CDH13: variants seen among roughly 807,000 people sequenced by gnomAD.
CDH13 encodes cadherin 13.
A neutral mutation model predicts 63.8 loss-of-function variants in CDH13; 24 were observed. The observed-to-expected ratio is 0.38, with a 90% CI of 0.27 to 0.53. The LOEUF (loss-of-function observed/expected upper bound fraction) is 0.53. Among genes scored for constraint, CDH13 ranks in the 20% least tolerant of loss-of-function variants. The pLI is 0.85. For synonymous variants in CDH13, 503 were observed against 355.3 expected (o/e 1.42, Z -4.67); for missense variants, 1,049 against 903.1 (o/e 1.16, Z -2.07).
chr16:82,862,626 G>C (rs1751831669), intron 2 of CDH13, among the ~76,000 whole-genome samples: 1 of 152,102 alleles, frequency 6.6e-6, no homozygotes, highest in Non-Finnish European at 1.5e-5. Flanking sequence ...TGCAAACATA[G>C]ACACATAGGT....
intron 1 of CDH13, among the ~76,000 whole-genome samples, chr16:82,830,751 T>G (rs551221617): frequency 2.0e-5 from 3 of 152,342 alleles, no homozygotes; most frequent in Non-Finnish European, 4.4e-5. Flanking sequence ...CCTTGTTTTA[T>G]GCATAAAAGA....
chr16:83,631,387 G>A (rs1910768450), intron 8 of CDH13, among the ~76,000 whole-genome samples: 1 of 152,080 alleles, frequency 6.6e-6, no homozygotes, highest in African/African-American at 2.4e-5. Context: ...TGGCCCTGTT[G>A]CTTGGAGAAG....
At chr16:82,726,885 C>A (rs1445004388) in intron 1 of CDH13, among the ~76,000 whole-genome samples, 7 of 152,140 alleles carry the variant, frequency 4.6e-5, no homozygotes, top group Non-Finnish European at 8.8e-5. Context: ...AACACTGAGG[C>A]ACAGAGCTGT....
intron 11 of CDH13, among the ~76,000 whole-genome samples, chr16:83,760,286 T>G (rs1913857825): frequency 6.6e-6 from 1 of 152,204 alleles, no homozygotes; most frequent in African/African-American, 2.4e-5. Flanking sequence ...ACAGCCACGT[T>G]GGAAACATAG....
At chr16:82,759,232 C>G (rs1158929806) in intron 1 of CDH13, among the ~76,000 whole-genome samples, 1 of 152,128 alleles carries the variant, frequency 6.6e-6, no homozygotes, top group East Asian at 1.9e-4. Context: ...TTAATATAAA[C>G]TTTATTTGTG....
chr16:83,415,376 G>A (rs902942727), intron 6 of CDH13, among the ~76,000 whole-genome samples: 7 of 152,218 alleles, frequency 4.6e-5, no homozygotes, highest in South Asian at 2.1e-4. Context: ...AAACTCTTCC[G>A]AACAGCTGGA....
At chr16:83,185,700 G>T (rs2038496003) in intron 4 of CDH13, among the ~76,000 whole-genome samples, 1 of 152,156 alleles carries the variant, frequency 6.6e-6, no homozygotes, top group Admixed American at 6.5e-5. Flanking sequence ...TGTTCTGCAG[G>T]TTATCATAAC....
At position 82,629,503 on chromosome 16, in the gene CDH13, C is replaced by T. The variant is rs141876711; in HGVS notation, c.45+2366C>T. Reference sequence around the variant, plus strand: ...GGGGAAAGTCTTCGAGGCCTTGAGTCGACGAGCAAAAACACAACTTTCCTG... The same window carrying T: ...GGGGAAAGTCTTCGAGGCCTTGAGTTGACGAGCAAAAACACAACTTTCCTG... On this transcript the variant is annotated intron_variant, in intron 1 of 13. Coordinates refer to ENST00000567109, the MANE Select transcript of CDH13 (RefSeq NM_001257.5). Among the ~76,000 whole-genome samples, 158 of 152,190 alleles carry T rather than the reference C, an allele frequency of 1.0e-3. 1 individual carries two copies. The Middle Eastern group carries it at 0.017, about 16-fold the overall frequency.
At chr16:83,758,593 T>C (rs1913705933) in intron 11 of CDH13, among the ~76,000 whole-genome samples, 1 of 152,136 alleles carries the variant, frequency 6.6e-6, no homozygotes, top group African/African-American at 2.4e-5. Flanking sequence ...GGCTTAGGAA[T>C]TAAAAGTAAG....
chr16:83,121,154 A>G (rs951496423), intron 3 of CDH13, among the ~76,000 whole-genome samples: 2 of 152,162 alleles, frequency 1.3e-5, no homozygotes, highest in Admixed American at 1.3e-4. Flanking sequence ...CTTCTGTCTT[A>G]TACAGAATCT....
In CDH13 at chr16:83,178,354, G is replaced by A. The variant is rs142490053; in HGVS notation, c.484-38991G>A. 2.1e-3 allele frequency among the ~76,000 whole-genome samples: 316 copies of A among 152,194 alleles called. 1 individual carries two copies. Among genetic ancestry groups the A allele is most frequent in the African/African-American group, 7.3e-3 (304 of 41,528 alleles). ...TCCAAGCAGGGAAAACTCCCCCGCC[G>A]CACCCCAGTTGAGAACCACTGATTT... On this transcript the variant is annotated intron_variant, in intron 4 of 13. Coordinates refer to ENST00000567109, the MANE Select transcript of CDH13 (RefSeq NM_001257.5).
intron 2 of CDH13, among the ~76,000 whole-genome samples, chr16:82,906,587 G>C (rs16958840): frequency 0.14 from 21,353 of 152,200 alleles, 1,656 homozygotes; most frequent in African/African-American, 0.19. Flanking sequence ...AAAATGTCTA[G>C]TGCACATTAG....
chr16:83,349,477 C>A (rs957317186), intron 6 of CDH13, among the ~76,000 whole-genome samples: 1 of 152,086 alleles, frequency 6.6e-6, no homozygotes, highest in Non-Finnish European at 1.5e-5. Context: ...CAGAAGCAGG[C>A]CCTGAGATGA....
chr16:83,072,680 T>C (rs2151545115), intron 3 of CDH13, among the ~76,000 whole-genome samples: 1 of 152,276 alleles, frequency 6.6e-6, no homozygotes, highest in East Asian at 1.9e-4. Context: ...GCCTCCAAGC[T>C]TGATCTGTGC....
intron 2 of CDH13, among the ~76,000 whole-genome samples, chr16:82,965,863 A>C (rs1907726804): frequency 6.6e-6 from 1 of 152,242 alleles, no homozygotes; most frequent in Non-Finnish European, 1.5e-5. Context: ...TCTTCCTTAC[A>C]TACATCACAC....
intron 1 of CDH13, among the ~76,000 whole-genome samples, chr16:82,657,458 G>T (rs1298230328): frequency 3.9e-5 from 6 of 152,178 alleles, no homozygotes; most frequent in Admixed American, 3.9e-4. Flanking sequence ...TTCCCGGCAG[G>T]ATGGAGTGGG....
chr16:83,014,818 A>ATATATATATG (rs1914578791), intron 2 of CDH13, among the ~76,000 whole-genome samples: 1 of 74,254 alleles, frequency 1.3e-5, no homozygotes, highest in South Asian at 5.9e-4. Context: ...ATATATTTGT[A>ATATATATATG]TATATATATT....
At chr16:83,129,525 T>A (rs921960983) in intron 4 of CDH13, among the ~76,000 whole-genome samples, 3 of 152,160 alleles carry the variant, frequency 2.0e-5, no homozygotes, top group African/African-American at 7.2e-5. Context: ...TGGATTGTAA[T>A]GTCAGGGGCT....
At chr16:82,934,410 A>T (rs1265585628) in intron 2 of CDH13, among the ~76,000 whole-genome samples, 1 of 152,220 alleles carries the variant, frequency 6.6e-6, no homozygotes, top group Non-Finnish European at 1.5e-5. Context: ...CCCTGGCTCC[A>T]GCCCACAAAA....
Sources: allele counts gnomAD v4.1 joint callset (sites outside exome capture counted in the v4.1 genomes callset), GRCh38; gene constraint gnomAD v4.1.1; transcripts MANE v1.5; gene names NCBI Gene and HGNC (gene_info 2026-07-23, HGNC 2026-07-21).